The following APLF variants were observed in gnomAD, a reference collection of about 807,000 sequenced individuals.
APLF encodes aprataxin and PNK-like factor.
In APLF, 61 loss-of-function variants were observed where a neutral mutation model predicts 55.6. The ratio of observed to expected loss-of-function variants is 1.10; its 90% CI spans 0.89 to 1.36. APLF has a LOEUF of 1.36. Among genes scored for constraint, APLF ranks in the 40% most tolerant of loss-of-function variants. The pLI, the probability that APLF is intolerant of heterozygous loss-of-function variation, is 0.00. For synonymous variants in APLF, 207 were observed against 214.8 expected (o/e 0.96, Z 0.32); for missense variants, 611 against 602.5 (o/e 1.01, Z -0.15).
At chr2:68,494,279 A>G (rs1283883121) in intron 2 of APLF, among the ~76,000 whole-genome samples, 1 of 114,190 alleles carries the variant, frequency 8.8e-6, no homozygotes, top group African/African-American at 5.5e-5. Flanking sequence ...CCCCGTCTCA[A>G]AAAAAAAAAA....
At chr2:68,556,808 G>C (rs2104042513) in intron 8 of APLF, among the ~76,000 whole-genome samples, 1 of 152,246 alleles carries the variant, frequency 6.6e-6, no homozygotes, top group Non-Finnish European at 1.5e-5. Flanking sequence ...TCTTCTGAGA[G>C]GGAAGGCCTT....
chr2:68,486,124 C>T (rs946124520), intron 1 of APLF, among the ~76,000 whole-genome samples: 4 of 151,988 alleles, frequency 2.6e-5, no homozygotes, highest in African/African-American at 9.7e-5. Context: ...TTTCTCTGTC[C>T]TTCTGACATG....
chr2:68,485,601 AAAC>A (rs1676139178), intron 1 of APLF, among the ~76,000 whole-genome samples: 1 of 152,074 alleles, frequency 6.6e-6, no homozygotes, highest in African/African-American at 2.4e-5. Context: ...GTTGGGAAAT[AAAC>A]ATCCTTTTAT....
chr2:68,567,346 A>G lies in APLF; in HGVS notation c.1292A>G (p.Asn431Ser), dbSNP rs1041114618. 1.9e-6 allele frequency: 3 copies of G among 1,605,616 alleles called. No homozygotes were observed. Among genetic ancestry groups the G allele is most frequent in the Non-Finnish European group, 2.6e-6 (3 of 1,176,146 alleles). ...TTTTTGCATTCTTCTTTCAGGAAGA[A>G]TCCCCAGCACAAGATAGAATATAGA... ...CPYGPSCYRK[N>S]PQHKIEYRHN... Residue 431 changes from asparagine (N) to serine (S), a missense_variant, in exon 9 of 10, where the codon AAT becomes AGT. Asn to Ser is a conservative substitution (Grantham distance 46). Transcript: ENST00000303795.
chr2:68,556,074 T>G (rs1476187087), intron 8 of APLF, among the ~76,000 whole-genome samples: 2 of 152,190 alleles, frequency 1.3e-5, no homozygotes, highest in Middle Eastern at 3.2e-3. Flanking sequence ...TGGAGACTAT[T>G]ATTCTAAGTG....
chr2:68,478,150 A>T (rs565812646), intron 1 of APLF, among the ~76,000 whole-genome samples: 1 of 152,272 alleles, frequency 6.6e-6, no homozygotes, highest in African/African-American at 2.4e-5. Flanking sequence ...CAAAAAGCAG[A>T]GAAAAATAAT....
Position 68,537,882 on chromosome 2 carries a change from A to C in APLF, c.815A>C (p.Gln272Pro), listed in dbSNP as rs754803449. 1 of 1,562,990 alleles carries C rather than the reference A, an allele frequency of 6.4e-7. No homozygotes were observed. Reference protein sequence around the residue: ...ESTISSKEMPQSFSAITLSNT... With the variant: ...ESTISSKEMPPSFSAITLSNT... ...ATATTTGTTTTACAGGAAATGCCAC[A>C]ATCATTTTCTGCAATCACATTAAGT... The change falls in exon 7 of 10, where the codon CAA becomes CCA. Residue 272 changes from glutamine to proline, a missense_variant. Coordinates refer to ENST00000303795, the MANE Select transcript of APLF (RefSeq NM_173545.3).
chr2:68,517,585 A>G lies in APLF; in HGVS notation c.622+3905A>G, dbSNP rs576100963. Among the ~76,000 whole-genome samples the G allele has an allele frequency of 2.8e-5, 4 of 144,206 alleles. No individual in the cohort carries two copies. The South Asian group carries it at 9.0e-4, about 32-fold the overall frequency. The allele number at this position is 144,206 out of a possible 152,430, so 94.6% of individuals were successfully genotyped here. ...ACATATAACAATATATCACTAATAT[A>G]TGTAATTAACATGTAACAGTATATC... On this transcript the variant is annotated intron_variant, in intron 5 of 9. Transcript: ENST00000303795.
intron 2 of APLF, among the ~76,000 whole-genome samples, chr2:68,501,436 A>G (rs928291429): frequency 3.9e-5 from 6 of 151,986 alleles, no homozygotes; most frequent in Non-Finnish European, 8.8e-5. Context: ...TAAAAAAAAA[A>G]AACACCAAAG....
chr2:68,496,661 A>G (rs1676559385), intron 2 of APLF, among the ~76,000 whole-genome samples: 1 of 152,210 alleles, frequency 6.6e-6, no homozygotes, highest in South Asian at 2.1e-4. Flanking sequence ...GGTTTCCTCT[A>G]CCAGATTCCC....
At chr2:68,470,875 G>A (rs1205960494) in intron 1 of APLF, among the ~76,000 whole-genome samples, 2 of 152,164 alleles carry the variant, frequency 1.3e-5, no homozygotes, top group African/African-American at 4.8e-5. Context: ...TCTTCAGGTG[G>A]CATCAGTTCA....
chr2:68,520,724 A>G (rs961350817), intron 5 of APLF, among the ~76,000 whole-genome samples: 1 of 151,970 alleles, frequency 6.6e-6, no homozygotes, highest in Admixed American at 6.6e-5. Flanking sequence ...CTTGTAGTAC[A>G]GTTTGAAGTC....
At chr2:68,534,454 C>A (rs1334041994) in intron 6 of APLF, among the ~76,000 whole-genome samples, 4 of 152,102 alleles carry the variant, frequency 2.6e-5, no homozygotes, top group Non-Finnish European at 5.9e-5. Context: ...TTAAATTGTT[C>A]TAGGTGGAAG....
intron 8 of APLF, among the ~76,000 whole-genome samples, chr2:68,562,681 G>T (rs188063533): frequency 6.6e-6 from 1 of 151,898 alleles, no homozygotes; most frequent in East Asian, 1.9e-4. Flanking sequence ...AATATACTTG[G>T]CAAAAAAGCT....
intron 9 of APLF, among the ~76,000 whole-genome samples, chr2:68,573,547 C>G (rs561761755): frequency 1.1e-4 from 16 of 152,034 alleles, no homozygotes; most frequent in Middle Eastern, 3.4e-3. Flanking sequence ...GTGGCGGGGG[C>G]CTGTAATCCC....
At chr2:68,552,927 CTT>C (rs1371006311) in intron 8 of APLF, among the ~76,000 whole-genome samples, 2 of 151,922 alleles carry the variant, frequency 1.3e-5, no homozygotes, top group Non-Finnish European at 2.9e-5. Context: ...ATTTTTTTCT[CTT>C]GTTAATTTTA....
At chr2:68,514,032 T>A (rs1002078486) in intron 5 of APLF, among the ~76,000 whole-genome samples, 1 of 151,822 alleles carries the variant, frequency 6.6e-6, no homozygotes, top group Non-Finnish European at 1.5e-5. Context: ...GACGAATTGA[T>A]ATACTTTCAA....
intron 1 of APLF, among the ~76,000 whole-genome samples, chr2:68,471,549 T>A (rs1182615261): frequency 6.6e-6 from 1 of 151,644 alleles, no homozygotes; most frequent in African/African-American, 2.4e-5. Flanking sequence ...GTAAGCGAAG[T>A]GGGAGGGAAG....
At chr2:68,555,630 T>C (rs1335677814) in intron 8 of APLF, among the ~76,000 whole-genome samples, 1 of 151,902 alleles carries the variant, frequency 6.6e-6, no homozygotes, top group African/African-American at 2.4e-5. Context: ...CTAATCAAAA[T>C]ACTAATCAAA....
Sources: allele counts gnomAD v4.1 joint callset (sites outside exome capture counted in the v4.1 genomes callset), GRCh38; gene constraint gnomAD v4.1.1; transcripts MANE v1.5; gene names NCBI Gene and HGNC (gene_info 2026-07-23, HGNC 2026-07-21).